The following FHOD3 variants were observed in gnomAD, a reference collection of about 807,000 sequenced individuals.
The protein encoded by FHOD3 is FH1/FH2 domain-containing protein 3.
Under a neutral mutation model 173.0 loss-of-function variants are expected in FHOD3, and 90 were observed. The observed-to-expected ratio is 0.52, with a 90% CI of 0.44 to 0.62. The LOEUF (loss-of-function observed/expected upper bound fraction) is 0.62. FHOD3 is among the 20% of genes least tolerant of loss of function. The pLI, the probability that FHOD3 is intolerant of heterozygous loss-of-function variation, is 0.00. For missense variants in FHOD3, 1,945 were observed against 2,034.7 expected (o/e 0.96, Z 0.85); for synonymous variants, 828 against 823.0 (o/e 1.01, Z -0.10).
intron 1 of FHOD3, among the ~76,000 whole-genome samples, chr18:36,327,933 T>A (rs1259796380): frequency 6.6e-6 from 1 of 152,182 alleles, no homozygotes; most frequent in South Asian, 2.1e-4. Flanking sequence ...ATTTATAGAA[T>A]TAGGCTATGG....
At chr18:36,533,644 T>C (rs1038086759) in intron 5 of FHOD3, among the ~76,000 whole-genome samples, 2 of 152,056 alleles carry the variant, frequency 1.3e-5, no homozygotes, top group African/African-American at 2.4e-5. Context: ...GGCAGGTGGG[T>C]GGAACTGCGG....
At chr18:36,776,343 C>T (rs1457077531) in intron 28 of FHOD3, among the ~76,000 whole-genome samples, 1 of 152,146 alleles carries the variant, frequency 6.6e-6, no homozygotes, top group Non-Finnish European at 1.5e-5. Flanking sequence ...TGTACATGTA[C>T]ATGATGTTTG....
At chr18:36,628,771 C>G (rs2148833142) in intron 10 of FHOD3, among the ~76,000 whole-genome samples, 1 of 152,306 alleles carries the variant, frequency 6.6e-6, no homozygotes, top group East Asian at 1.9e-4. Flanking sequence ...CCCTTTCTGT[C>G]AAGTTCCCAA....
intron 28 of FHOD3, among the ~76,000 whole-genome samples, chr18:36,777,163 A>G (rs1376025961): frequency 6.6e-6 from 1 of 150,612 alleles, no homozygotes; most frequent in Non-Finnish European, 1.5e-5. Flanking sequence ...TAAGATGCCC[A>G]GCTAGTGCAG....
intron 3 of FHOD3, among the ~76,000 whole-genome samples, chr18:36,381,046 C>G (rs572967508): frequency 6.6e-6 from 1 of 152,336 alleles, no homozygotes; most frequent in African/African-American, 2.4e-5. Flanking sequence ...GATGCTCCTC[C>G]TTTTAGGCCA....
chr18:36,642,743 G>A (rs972126412), intron 10 of FHOD3, among the ~76,000 whole-genome samples: 4 of 152,024 alleles, frequency 2.6e-5, no homozygotes, highest in Admixed American at 2.6e-4. Flanking sequence ...AGAACATCAA[G>A]GAGACTATGA....
intron 6 of FHOD3, among the ~76,000 whole-genome samples, chr18:36,581,738 G>C (rs1268189714): frequency 6.6e-6 from 1 of 152,146 alleles, no homozygotes; most frequent in Non-Finnish European, 1.5e-5. Context: ...ATATACATTA[G>C]AGAACCTATG....
intron 9 of FHOD3, among the ~76,000 whole-genome samples, chr18:36,618,310 G>GTTTTTTTTTTTTTTTTTTTTTTTTTT (rs1465774220): frequency 1.2e-5 from 1 of 85,240 alleles, no homozygotes; most frequent in African/African-American, 4.1e-5. Context: ...GTTTTTTGGT[G>GTTTTTTTTTTTTTTTTTTTTTTTTTT]GTTTTTTTTT....
At chr18:36,322,533 GT>G (rs1354146053) in intron 1 of FHOD3, among the ~76,000 whole-genome samples, 1 of 152,134 alleles carries the variant, frequency 6.6e-6, no homozygotes, top group Non-Finnish European at 1.5e-5. Context: ...GAAAGAGCAG[GT>G]TTGGGTGCCG....
At chr18:36,569,013 G>C (rs895913908) in intron 5 of FHOD3, among the ~76,000 whole-genome samples, 1 of 152,070 alleles carries the variant, frequency 6.6e-6, no homozygotes, top group African/African-American at 2.4e-5. Flanking sequence ...AGAATATATA[G>C]AGAACCCAAT....
At chr18:36,736,895 C>T (rs1269895135) in intron 20 of FHOD3, among the ~76,000 whole-genome samples, 1 of 152,232 alleles carries the variant, frequency 6.6e-6, no homozygotes, top group African/African-American at 2.4e-5. Context: ...CTATCCCTAT[C>T]AACATATTGG....
chr18:36,490,715 G>A (rs2054424060), intron 3 of FHOD3, among the ~76,000 whole-genome samples: 1 of 152,134 alleles, frequency 6.6e-6, no homozygotes, highest in South Asian at 2.1e-4. Flanking sequence ...TAAGCTTCCT[G>A]AAAACTAGTG....
chr18:36,764,276 T>C (rs2043046058), intron 27 of FHOD3, among the ~76,000 whole-genome samples: 1 of 152,130 alleles, frequency 6.6e-6, no homozygotes, highest in East Asian at 1.9e-4. Flanking sequence ...ATAGAGACTG[T>C]CAGTGTAGAG....
chr18:36,320,732 C>T (rs909830688), intron 1 of FHOD3, among the ~76,000 whole-genome samples: 1 of 152,222 alleles, frequency 6.6e-6, no homozygotes, highest in Non-Finnish European at 1.5e-5. Context: ...TGTCAAGAAG[C>T]AGTGTGATAC....
At chr18:36,452,781 T>A (rs1034820191) in intron 3 of FHOD3, among the ~76,000 whole-genome samples, 1 of 152,180 alleles carries the variant, frequency 6.6e-6, no homozygotes, top group Non-Finnish European at 1.5e-5. Flanking sequence ...GATTTTCTTT[T>A]TTTAAGGCTG....
chr18:36,466,065 A>G (rs966826261), intron 3 of FHOD3, among the ~76,000 whole-genome samples: 1 of 152,064 alleles, frequency 6.6e-6, no homozygotes, highest in South Asian at 2.1e-4. Flanking sequence ...AATGCATACA[A>G]ATCTCATGTG....
rs1353668802 is a variant in FHOD3, at chr18:36,677,045, G to T, written c.1836-4391G>T. Among the ~76,000 whole-genome samples, 3 of 151,950 alleles carry T rather than the reference G, an allele frequency of 2.0e-5. No individual in the cohort carries two copies. The East Asian group carries it at 5.8e-4, about 29-fold the overall frequency. On this transcript the variant is annotated intron_variant, in intron 14 of 28. Coordinates refer to ENST00000590592, the MANE Select transcript of FHOD3 (RefSeq NM_001281740.3). ...ATCTTTCCTTTTTGGTTGCTCTTTG[G>T]TCTAAAAAAACTTCCATATCTTGAG... is the stretch of plus-strand genomic sequence containing the variant.
intron 7 of FHOD3, among the ~76,000 whole-genome samples, chr18:36,597,178 T>G (rs1045249617): frequency 6.6e-6 from 1 of 152,168 alleles, no homozygotes; most frequent in Non-Finnish European, 1.5e-5. Flanking sequence ...GTTCCCTTCC[T>G]TGAACTTCAT....
chr18:36,489,383 C>T (rs752300957), intron 3 of FHOD3, among the ~76,000 whole-genome samples: 12 of 152,302 alleles, frequency 7.9e-5, no homozygotes, highest in East Asian at 5.8e-4. Context: ...AAAACCAACT[C>T]GGGTGCGTGT....
Sources: gnomAD v4.1 joint callset for allele counts (sites outside exome capture counted in the v4.1 genomes callset) on GRCh38, gnomAD v4.1.1 for gene constraint, MANE v1.5 for transcripts, NCBI Gene and HGNC (gene_info 2026-07-23, HGNC 2026-07-21) for gene names.